SPMIP2: variants seen among roughly 807,000 people sequenced by gnomAD.
SPMIP2 encodes sperm microtubule inner protein 2.
At chr4:158,988,479 A>G in the SPMIP2 span, among the ~76,000 whole-genome samples, 1 of 152,210 alleles carries the variant, frequency 6.6e-6, no homozygotes, top group East Asian at 1.9e-4. Context: ...CATCAGCACA[A>G]AAATCCTCAA....
chr4:159,016,748 C>G, the SPMIP2 span, among the ~76,000 whole-genome samples: 1 of 152,184 alleles, frequency 6.6e-6, no homozygotes, highest in Non-Finnish European at 1.5e-5. Flanking sequence ...GCCTGCCCCC[C>G]ACAGGGAGAC....
chr4:159,055,482 CAGATTGCTTGAGTTCA>C, the SPMIP2 span, among the ~76,000 whole-genome samples: 1 of 152,108 alleles, frequency 6.6e-6, no homozygotes, highest in African/African-American at 2.4e-5. Flanking sequence ...GCAAAGCAGG[CAGATTGCTTGAGTTCA>C]AGAGTTTGAG....
At chr4:159,053,166 C>T in the SPMIP2 span, among the ~76,000 whole-genome samples, 14 of 150,872 alleles carry the variant, frequency 9.3e-5, no homozygotes, top group Admixed American at 9.2e-4. Context: ...CCGTTTTAGC[C>T]GGGATGGTCT....
the SPMIP2 span, among the ~76,000 whole-genome samples, chr4:159,059,505 TG>T: frequency 8.5e-5 from 13 of 152,194 alleles, no homozygotes; most frequent in Non-Finnish European, 5.9e-5. Context: ...CCCAAGTAAC[TG>T]GGGTTACAGG....
chr4:158,918,892 C>T, the SPMIP2 span, among the ~76,000 whole-genome samples: 13 of 152,164 alleles, frequency 8.5e-5, no homozygotes, highest in Admixed American at 4.6e-4. Context: ...AGCAAACACA[C>T]GCATGCCCCA....
the SPMIP2 span, among the ~76,000 whole-genome samples, chr4:159,060,964 A>C: frequency 1.3e-5 from 2 of 151,932 alleles, no homozygotes; most frequent in African/African-American, 4.8e-5. Flanking sequence ...ATGCACCTAT[A>C]GTTCCAGCTA....
At chr4:159,081,089 G>A in the SPMIP2 span, among the ~76,000 whole-genome samples, 28 of 147,566 alleles carry the variant, frequency 1.9e-4, no homozygotes, top group African/African-American at 6.8e-4. Context: ...CCAGGCTGGA[G>A]TGCAGTGGCA....
At chr4:159,022,252 A>G in the SPMIP2 span, among the ~76,000 whole-genome samples, 7 of 152,328 alleles carry the variant, frequency 4.6e-5, no homozygotes, top group East Asian at 1.3e-3. Flanking sequence ...ATAACTTTTG[A>G]CGACTTACAT....
chr4:159,007,459 C>A, the SPMIP2 span: 1 of 692,168 alleles, frequency 1.4e-6, no homozygotes. Flanking sequence ...TCTGTAGTCT[C>A]AAAGAGAAAT....
the SPMIP2 span, among the ~76,000 whole-genome samples, chr4:158,940,918 G>A: frequency 6.6e-6 from 1 of 152,118 alleles, no homozygotes; most frequent in African/African-American, 2.4e-5. Context: ...AGTCTCTGAT[G>A]GCTTTCTTGC....
the SPMIP2 span, among the ~76,000 whole-genome samples, chr4:159,080,797 C>T: frequency 7.9e-5 from 12 of 152,146 alleles, no homozygotes; most frequent in Admixed American, 7.9e-4. Context: ...GATCTCGGCT[C>T]ACTGCAAGCT....
At chr4:158,967,660 G>A in the SPMIP2 span, among the ~76,000 whole-genome samples, 1 of 152,168 alleles carries the variant, frequency 6.6e-6, no homozygotes, top group Non-Finnish European at 1.5e-5. Context: ...CTCAAAACTG[G>A]TGGCTATTTT....
chr4:158,939,775 CG>C, the SPMIP2 span, among the ~76,000 whole-genome samples: 2 of 152,030 alleles, frequency 1.3e-5, no homozygotes, highest in African/African-American at 4.8e-5. Context: ...GTCAGGAGTT[CG>C]AGACGTGAGC....
chr4:159,023,706 T>C, the SPMIP2 span, among the ~76,000 whole-genome samples: 2 of 152,182 alleles, frequency 1.3e-5, no homozygotes, highest in Non-Finnish European at 2.9e-5. Flanking sequence ...TATGGCACAC[T>C]GTATCTCTTT....
chr4:158,965,822 C>T, the SPMIP2 span, among the ~76,000 whole-genome samples: 1 of 152,140 alleles, frequency 6.6e-6, no homozygotes, highest in African/African-American at 2.4e-5. Flanking sequence ...AGAATAGATT[C>T]CAGTCTCCAT....
chr4:158,983,013 T>TGCAGAAGCC, the SPMIP2 span, among the ~76,000 whole-genome samples: 1 of 152,024 alleles, frequency 6.6e-6, no homozygotes, highest in Non-Finnish European at 1.5e-5. Context: ...ATGTGAAGAA[T>TGCAGAAGCC]GCAGAAGCCT....
At chr4:159,018,330 A>G in the SPMIP2 span, among the ~76,000 whole-genome samples, 1 of 152,122 alleles carries the variant, frequency 6.6e-6, no homozygotes, top group Non-Finnish European at 1.5e-5. Flanking sequence ...TTCCCACAAA[A>G]TGTCTCTTGT....
At chr4:158,953,313 T>C in the SPMIP2 span, among the ~76,000 whole-genome samples, 1 of 152,204 alleles carries the variant, frequency 6.6e-6, no homozygotes, top group African/African-American at 2.4e-5. Context: ...GGGGCCAACA[T>C]AGAGCTTGGG....
At chr4:159,013,022 C>A in the SPMIP2 span, among the ~76,000 whole-genome samples, 1 of 152,178 alleles carries the variant, frequency 6.6e-6, no homozygotes, top group Non-Finnish European at 1.5e-5. Context: ...TGTCAACAGT[C>A]CCACGTCTAC....
Sources: gnomAD v4.1 joint callset for allele counts (sites outside exome capture counted in the v4.1 genomes callset) on GRCh38, gnomAD v4.1.1 for gene constraint, MANE v1.5 for transcripts, NCBI Gene and HGNC (gene_info 2026-07-23, HGNC 2026-07-21) for gene names.